The following ANO5 variants were observed in gnomAD, a reference collection of about 807,000 sequenced individuals.
ANO5 encodes anoctamin 5, also known as anoctamin-5.
A neutral mutation model predicts 121.0 loss-of-function variants in ANO5; 109 were observed. The ratio of observed to expected loss-of-function variants is 0.90; its 90% CI spans 0.77 to 1.06. ANO5 has a LOEUF of 1.06. ANO5 is among the 50% of genes least tolerant of loss of function. The probability of loss-of-function intolerance (pLI) is 0.00; values close to 1 mark genes in which losing one functional copy is unlikely to be tolerated. For synonymous variants in ANO5, 406 were observed against 359.9 expected (o/e 1.13, Z -1.45); for missense variants, 1,064 against 1,078.5 (o/e 0.99, Z 0.19).
chr11:22,270,556 G>T (rs1854572262), intron 18 of ANO5, 114 bp downstream of exon 18: 2 of 1,491,078 alleles, frequency 1.3e-6, no homozygotes, highest in Admixed American at 3.6e-5. Flanking sequence ...TCTTTGACTG[G>T]TTGGCAAAAA....
intron 8 of ANO5, among the ~76,000 whole-genome samples, chr11:22,237,423 C>T (rs1827810674): frequency 6.6e-6 from 1 of 152,076 alleles, no homozygotes; most frequent in South Asian, 2.1e-4. Context: ...CGGCGTCTTG[C>T]TGTGTCCCCC....
intron 2 of ANO5, among the ~76,000 whole-genome samples, chr11:22,204,192 A>G (rs994867180): frequency 6.6e-6 from 1 of 152,112 alleles, no homozygotes; most frequent in African/African-American, 2.4e-5. Context: ...ATTATTTTAC[A>G]GTTATTAGTA....
Position 22,255,614 on chromosome 11 carries a change from A to G in ANO5, c.1332+92A>G, listed in dbSNP as rs529856078. 7.9e-5 allele frequency: 116 copies of G among 1,470,584 alleles called. 1 individual carries two copies. The African/African-American group carries it at 1.5e-3, about 19-fold the overall frequency. The allele number at this position is 1,470,584 out of a possible 1,614,324, so 91.1% of individuals were successfully genotyped here. On this transcript the variant is annotated intron_variant, in intron 13 of 21. Coordinates refer to ENST00000324559, the MANE Select transcript of ANO5 (RefSeq NM_213599.3). The stretch of plus-strand genomic sequence containing the variant: ...TATAATCATAGTTTATTTTGCCTTT[A>G]AAATATTCTGCAACGTATAAATCAC...
intron 17 of ANO5, among the ~76,000 whole-genome samples, chr11:22,269,734 A>G (rs1441430302): frequency 6.6e-6 from 1 of 151,818 alleles, no homozygotes; most frequent in African/African-American, 2.4e-5. Context: ...AATTGAGATG[A>G]TTTTATGTTT....
rs1428656460 is a variant in ANO5 at position 22,283,157 on chromosome 11, ATCTC to A, written c.*3395_*3398del. The A allele has an allele frequency of 6.6e-6, 1 of 152,206 alleles. No homozygotes were observed. The highest frequency in any genetic ancestry group is 1.9e-4 in the East Asian group (1 of 5,200). The allele number at this position is 152,206 out of a possible 1,614,324, so 9.4% of individuals were successfully genotyped here. On this transcript the variant is annotated 3_prime_UTR_variant, in exon 22 of 22. Coordinates refer to ENST00000324559, the MANE Select transcript of ANO5 (RefSeq NM_213599.3). ...CCTCCTCAAAGGTTTGACTGGGTGT[ATCTC>A]TCCTATGTGTGACATTATGTCTCCT... is the stretch of plus-strand genomic sequence containing the variant.
At chr11:22,251,253 A>T (rs990237217) in intron 12 of ANO5, among the ~76,000 whole-genome samples, 1 of 152,232 alleles carries the variant, frequency 6.6e-6, no homozygotes, top group Non-Finnish European at 1.5e-5. Context: ...GAAACATCAA[A>T]TGTATTAATT....
At chr11:22,255,681 A>G (rs538270060) in intron 13 of ANO5, among the ~76,000 whole-genome samples, 159 bp downstream of exon 13, 156 of 152,286 alleles carry the variant, frequency 1.0e-3, no homozygotes, top group Non-Finnish European at 1.8e-3. Context: ...ACATGTATAT[A>G]AATGTATATA....
At chr11:22,241,984 C>A (rs948716922) in intron 9 of ANO5, among the ~76,000 whole-genome samples, 1 of 151,934 alleles carries the variant, frequency 6.6e-6, no homozygotes, top group East Asian at 1.9e-4. Flanking sequence ...GAGAAAGATA[C>A]TTCTTAGGTT....
At chr11:22,207,903 T>A (rs530848810) in intron 2 of ANO5, among the ~76,000 whole-genome samples, 3 of 152,048 alleles carry the variant, frequency 2.0e-5, no homozygotes, top group Non-Finnish European at 2.9e-5. Flanking sequence ...AGAGGAAATA[T>A]GATGGCAAAT....
At chr11:22,266,322 G>A (rs1854365099) in intron 17 of ANO5, among the ~76,000 whole-genome samples, 1 of 152,072 alleles carries the variant, frequency 6.6e-6, no homozygotes, top group Non-Finnish European at 1.5e-5. Flanking sequence ...GTTTGATAGT[G>A]TCTCAGAAAT....
chr11:22,237,690 T>C (rs534951558), intron 8 of ANO5, among the ~76,000 whole-genome samples: 3 of 152,300 alleles, frequency 2.0e-5, no homozygotes, highest in African/African-American at 7.2e-5. Flanking sequence ...TTAGTTTTTC[T>C]GTAAGAGTAG....
At chr11:22,224,033 CT>C (rs1344264024) in intron 5 of ANO5, among the ~76,000 whole-genome samples, 1 of 151,908 alleles carries the variant, frequency 6.6e-6, no homozygotes, top group Admixed American at 6.6e-5. Context: ...TGATCCTTCC[CT>C]TTTCTATTGT....
chr11:22,227,467 C>T lies in ANO5; in HGVS notation c.529C>T (p.Leu177=), dbSNP rs935865147. The T allele has an allele frequency of 1.9e-6, 3 of 1,613,510 alleles. No individual in the cohort carries two copies. The highest frequency in any genetic ancestry group is 2.5e-6 in the Non-Finnish European group (3 of 1,179,798). ...SYVLGPVRLP[L]SVKYPHPEYF... Reference sequence around the variant, plus strand: ...TGTGCTTGGACCTGTAAGACTCCCACTGAGTGTGAAGTATCCCCATCCTGA... The same window carrying T: ...TGTGCTTGGACCTGTAAGACTCCCATTGAGTGTGAAGTATCCCCATCCTGA... The change falls in exon 7 of 22, where the codon CTG becomes TTG. Residue 177 remains leucine (L), a synonymous_variant. Coordinates refer to ENST00000324559, the MANE Select transcript of ANO5 (RefSeq NM_213599.3).
In ANO5 at chr11:22,245,219, C is replaced by T. The variant is rs114813841; in HGVS notation, c.879-5018C>T. Among the ~76,000 whole-genome samples the T allele has an allele frequency of 2.0e-3, 309 of 152,244 alleles. 1 individual carries two copies. Among genetic ancestry groups the T allele is most frequent in the African/African-American group, 6.9e-3 (286 of 41,560 alleles). Reference sequence around the variant, plus strand: ...CCAGCAGATAGGCTCAGCCTCGCAGCGCTTCAGTATTTCTGCCTATTCACA... The same window carrying T: ...CCAGCAGATAGGCTCAGCCTCGCAGTGCTTCAGTATTTCTGCCTATTCACA... On this transcript the variant is annotated intron_variant, in intron 9 of 21. Coordinates refer to ENST00000324559, the MANE Select transcript of ANO5 (RefSeq NM_213599.3).
rs187357703 is a variant in ANO5 at position 22,226,182 on chromosome 11, C to T, written c.363+130C>T. On this transcript the variant is annotated intron_variant, in intron 6 of 21. Transcript: ENST00000324559. ...GCTCTTTTGGCTACAGATATGTGCA[C>T]CGGGATGATAGGGCCTGTGGTCTTA... The T allele has an allele frequency of 2.0e-3, 1,490 of 732,796 alleles. 11 individuals carry two copies. The African/African-American group carries it at 0.023, about 11-fold the overall frequency. 45.4% of individuals were successfully genotyped at this position (732,796 alleles called of 1,614,324 possible). A position where few individuals can be genotyped will look rare whatever the true frequency, so the allele number is the denominator to read the frequency against.
At chr11:22,256,592 G>C (rs1208996744) in intron 13 of ANO5, among the ~76,000 whole-genome samples, 1 of 152,068 alleles carries the variant, frequency 6.6e-6, no homozygotes, top group African/African-American at 2.4e-5. Flanking sequence ...AGTCCTATTA[G>C]CTTTGCCAAA....
chr11:22,196,628 TGGGAGGCCGAGGCA>T (rs1851821652), intron 1 of ANO5, among the ~76,000 whole-genome samples: 1 of 152,132 alleles, frequency 6.6e-6, no homozygotes, highest in Admixed American at 6.5e-5. Flanking sequence ...CCCAGCACTC[TGGGAGGCCGAGGCA>T]GGTGGATCAT....
At chr11:22,219,033 C>T (rs1231471876) in intron 4 of ANO5, among the ~76,000 whole-genome samples, 1 of 152,008 alleles carries the variant, frequency 6.6e-6, no homozygotes, top group Non-Finnish European at 1.5e-5. Context: ...AAAACAAAAG[C>T]ATGATGTATG....
intron 7 of ANO5, 151 bp downstream of exon 7, chr11:22,227,737 A>G (rs1852893296): frequency 1.0e-6 from 1 of 957,026 alleles, no homozygotes. Context: ...TTGAAAGTCT[A>G]ATTAGACCAC....
Sources: gnomAD v4.1 joint callset for allele counts (sites outside exome capture counted in the v4.1 genomes callset) on GRCh38, gnomAD v4.1.1 for gene constraint, MANE v1.5 for transcripts, NCBI Gene and HGNC (gene_info 2026-07-23, HGNC 2026-07-21) for gene names.